NECTIN1: variants seen among roughly 807,000 people sequenced by gnomAD.
NECTIN1 encodes nectin-1.
A neutral mutation model predicts 48.0 loss-of-function variants in NECTIN1; 23 were observed. The ratio of observed to expected loss-of-function variants is 0.48; its 90% confidence interval spans 0.34 to 0.68. NECTIN1 has a LOEUF of 0.68. Among genes scored for constraint, NECTIN1 ranks in the 30% least tolerant of loss-of-function variants. The pLI, the probability that NECTIN1 is intolerant of heterozygous loss-of-function variation, is 0.01. For synonymous variants in NECTIN1, 270 were observed against 288.9 expected (o/e 0.93, Z 0.66); for missense variants, 591 against 709.9 (o/e 0.83, Z 1.90).
intron 1 of NECTIN1, among the ~76,000 whole-genome samples, chr11:119,689,356 G>A (rs1026383025): frequency 3.3e-5 from 5 of 152,166 alleles, no homozygotes; most frequent in Non-Finnish European, 7.3e-5. Context: ...CTTCCCTGTG[G>A]CATTCAGACC....
chr11:119,660,948 G>C, downstream of NECTIN1: 1 of 921,224 alleles, frequency 1.1e-6, no homozygotes. Context: ...CGCCTTCCCC[G>C]CCCCCACTGC....
At chr11:119,691,480 C>T (rs969821262) in intron 1 of NECTIN1, among the ~76,000 whole-genome samples, 3 of 152,218 alleles carry the variant, frequency 2.0e-5, no homozygotes, top group Admixed American at 6.5e-5. Context: ...GGCTGCTCTG[C>T]GGGTGGTCTG....
At chr11:119,679,637 C>T (rs1865025237) in intron 1 of NECTIN1, among the ~76,000 whole-genome samples, 3 of 152,244 alleles carry the variant, frequency 2.0e-5, no homozygotes, top group Non-Finnish European at 4.4e-5. Flanking sequence ...GCCACATTCC[C>T]GGTTTCCTTC....
rs532830110 is a variant in NECTIN1 at position 119,672,066 on chromosome 11, G to A, written c.1003+3093C>T. Among the ~76,000 whole-genome samples the A allele has an allele frequency of 3.2e-4, 49 of 152,338 alleles. 1 individual carries two copies. Among genetic ancestry groups the A allele is most frequent in the South Asian group, 6.2e-4 (3 of 4,826 alleles). On this transcript the variant is annotated intron_variant, in intron 5 of 5. Coordinates refer to ENST00000264025, the MANE Select transcript of NECTIN1 (RefSeq NM_002855.5). The surrounding 1 kb of genome is among the most constrained non-coding windows in gnomAD (Gnocchi z 4.3). ...TCCAGGACACTGGCCTTCAAGGCCCGCAATTCTGGGTCTGAAGAACTCCAG... is the reference window on the plus strand; with the variant it reads ...TCCAGGACACTGGCCTTCAAGGCCCACAATTCTGGGTCTGAAGAACTCCAG...
chr11:119,709,357 C>A lies in NECTIN1; in HGVS notation c.79+19118G>T, dbSNP rs866865635. ...ACCAGCTCCACATCCGGGCCCAGGG[C>A]GCCTCTGTCTGCCACGCACTTGCCT... On this transcript the variant is annotated intron_variant, in intron 1 of 5. Transcript: ENST00000264025. The surrounding 1 kb of genome is among the most constrained non-coding windows in gnomAD (Gnocchi z 4.1). 3.1e-4 allele frequency among the ~76,000 whole-genome samples: 47 copies of A among 152,246 alleles called. No individual in the cohort carries two copies. Among genetic ancestry groups the A allele is most frequent in the Middle Eastern group, 6.8e-3 (2 of 292 alleles).
chr11:119,657,505 T>C (rs1039278564), downstream of NECTIN1, among the ~76,000 whole-genome samples: 13 of 150,656 alleles, frequency 8.6e-5, no homozygotes, highest in African/African-American at 1.5e-4. Flanking sequence ...GTCCCAGCTA[T>C]TGGGGAGCCT....
At position 119,683,797 on chromosome 11, in the gene NECTIN1, T is replaced by C. The variant is rs1195725848; in HGVS notation, c.80-5032A>G. 1.3e-5 allele frequency among the ~76,000 whole-genome samples: 2 copies of C among 151,920 alleles called. No homozygotes were observed. The highest frequency in any genetic ancestry group is 2.9e-5 in the Non-Finnish European group (2 of 67,970). On this transcript the variant is annotated intron_variant, in intron 1 of 5. Coordinates refer to ENST00000264025, the MANE Select transcript of NECTIN1 (RefSeq NM_002855.5). The surrounding 1 kb of genome is among the most constrained non-coding windows in gnomAD (Gnocchi z 4.0). Reference sequence around the variant, plus strand: ...GCCTATATTCTCCCTGACCACCCTATGAGCTCCAGGATCTGGGACCCATGC... The same window carrying C: ...GCCTATATTCTCCCTGACCACCCTACGAGCTCCAGGATCTGGGACCCATGC...
At chr11:119,641,172 C>A (rs1864318316) in intron 5 of NECTIN1, 1 of 152,206 alleles carries the variant, frequency 6.6e-6, no homozygotes, top group African/African-American at 2.4e-5. Context: ...AGGCTCTGGC[C>A]CCAGCATCCA....
chr11:119,671,491 G>A (rs1864861236), intron 5 of NECTIN1, among the ~76,000 whole-genome samples: 1 of 152,110 alleles, frequency 6.6e-6, no homozygotes, highest in African/African-American at 2.4e-5. Context: ...CTGGTGCTGG[G>A]GGCTTTGGAT....
intron 5 of NECTIN1, among the ~76,000 whole-genome samples, chr11:119,648,737 G>T (rs1864449505): frequency 6.6e-6 from 1 of 152,032 alleles, no homozygotes; most frequent in Non-Finnish European, 1.5e-5. Context: ...TGGGGTCTTT[G>T]TCAGGTCTCT....
At chr11:119,638,110 T>C (rs1864263775) in exon 8 of NECTIN1, 2 of 1,612,828 alleles carry the variant, frequency 1.2e-6, no homozygotes, top group East Asian at 2.2e-5. Flanking sequence ...AGGGGCACTC[T>C]CCTCGAGGTT....
chr11:119,657,377 A>G (rs929366943), downstream of NECTIN1, among the ~76,000 whole-genome samples: 1 of 152,126 alleles, frequency 6.6e-6, no homozygotes, highest in African/African-American at 2.4e-5. Flanking sequence ...GCACTTTGGA[A>G]GGCCGAGGTG....
chr11:119,727,425 G>A lies in NECTIN1; in HGVS notation c.79+1050C>T, dbSNP rs1865927195. Among the ~76,000 whole-genome samples, 1 of 152,104 alleles carries A rather than the reference G, an allele frequency of 6.6e-6. No individual in the cohort carries two copies. Among genetic ancestry groups the A allele is most frequent in the African/African-American group, 2.4e-5 (1 of 41,420 alleles). Reference sequence around the variant, plus strand: ...AAATCCCATCTTGCTAGAGCTGCAGGTCGTCTCTGGTTTCTACCCAGAGAG... The same window carrying A: ...AAATCCCATCTTGCTAGAGCTGCAGATCGTCTCTGGTTTCTACCCAGAGAG... On this transcript the variant is annotated intron_variant, in intron 1 of 5. Coordinates refer to ENST00000264025, the MANE Select transcript of NECTIN1 (RefSeq NM_002855.5). This position sits in a 1 kb window ranked among gnomAD's most constrained non-coding sequence, Gnocchi z 4.1.
At chr11:119,645,489 C>G (rs1320467440) in intron 5 of NECTIN1, among the ~76,000 whole-genome samples, 2 of 152,116 alleles carry the variant, frequency 1.3e-5, no homozygotes, top group African/African-American at 4.8e-5. Context: ...GCCAGGGGAC[C>G]TTGCAGGCTG....
chr11:119,698,334 G>T (rs1010740555), intron 1 of NECTIN1, among the ~76,000 whole-genome samples: 2 of 152,202 alleles, frequency 1.3e-5, no homozygotes, highest in Non-Finnish European at 2.9e-5. Context: ...ACCCCACCCA[G>T]GTGATTAAAT....
chr11:119,719,562 G>T (rs1865795024), intron 1 of NECTIN1, among the ~76,000 whole-genome samples: 1 of 152,208 alleles, frequency 6.6e-6, no homozygotes, highest in South Asian at 2.1e-4. Context: ...TTGTTATGAA[G>T]ATTAACTAAG....
At chr11:119,704,438 A>G (rs1471670249) in intron 1 of NECTIN1, among the ~76,000 whole-genome samples, 4 of 152,044 alleles carry the variant, frequency 2.6e-5, no homozygotes, top group Admixed American at 6.5e-5. Context: ...GCTGGTCTAG[A>G]ACTCCTGACC....
Position 119,663,302 on chromosome 11 carries a change from A to C in NECTIN1, c.*1445T>G. 2.0e-6 allele frequency: 2 copies of C among 985,406 alleles called. No homozygotes were observed. The highest frequency in any genetic ancestry group is 2.4e-6 in the Non-Finnish European group (2 of 829,964). The allele number at this position is 985,406 out of a possible 1,614,324, so 61.0% of individuals were successfully genotyped here. ...TGAGGCACTTTGAGCTGGGGGACTG[A>C]GAGGGCTGGGAGGGGTCTTCCTCCA... On this transcript the variant is annotated 3_prime_UTR_variant, in exon 6 of 6. Transcript: ENST00000264025.
intron 5 of NECTIN1, among the ~76,000 whole-genome samples, chr11:119,668,323 A>C (rs1864808931): frequency 6.6e-6 from 1 of 152,072 alleles, no homozygotes; most frequent in South Asian, 2.1e-4. Context: ...CCTGCCTTGA[A>C]TCACCCCACC....
Sources: allele counts gnomAD v4.1 joint callset (sites outside exome capture counted in the v4.1 genomes callset), GRCh38; gene constraint gnomAD v4.1.1; non-coding constraint Gnocchi (gnomAD v3.1); transcripts MANE v1.5; gene names NCBI Gene and HGNC (gene_info 2026-07-23, HGNC 2026-07-21).